RAD51C: variants seen among roughly 807,000 people sequenced by gnomAD.
RAD51C encodes the protein DNA repair protein RAD51 homolog 3.
Under a neutral mutation model 45.0 loss-of-function variants are expected in RAD51C, and 42 were observed. That is an observed-to-expected ratio of 0.93 (90% confidence interval 0.73 to 1.21). RAD51C has a LOEUF of 1.21. RAD51C is among the 50% of genes most tolerant of loss of function. RAD51C has a pLI of 0.00. For missense variants in RAD51C, 474 were observed against 452.2 expected, an observed-to-expected ratio of 1.05 and a Z score of -0.44; for synonymous variants, 172 against 159.8, an observed-to-expected ratio of 1.08 and a Z score of -0.58.
intron 2 of RAD51C, among the ~76,000 whole-genome samples, chr17:58,696,068 AAAG>A (rs1347588024): frequency 7.0e-6 from 1 of 143,526 alleles, no homozygotes; most frequent in Non-Finnish European, 1.6e-5. Flanking sequence ...CTCTGTCTCA[AAAG>A]AAAAAAAAAA....
intron 6 of RAD51C, 120 bp from the exon 7 acceptor site, chr17:58,723,920 C>G (rs1182508645): frequency 2.2e-6 from 2 of 922,944 alleles, no homozygotes; most frequent in African/African-American, 3.3e-5. Context: ...TTTTTGAAAG[C>G]AAGTATACTT....
chr17:58,724,479 G>C (rs535729169), intron 7 of RAD51C, among the ~76,000 whole-genome samples: 9 of 151,226 alleles, frequency 6.0e-5, no homozygotes, highest in Admixed American at 3.3e-4. Flanking sequence ...GAAAATTGTT[G>C]AGGTTACCTT....
At chr17:58,710,131 C>T in intron 5 of RAD51C, 141 bp downstream of exon 5, 1 of 999,658 alleles carries the variant, frequency 1.0e-6, no homozygotes, top group Admixed American at 2.3e-5. Flanking sequence ...TGGTTGGTTT[C>T]CATTAAAAAA....
chr17:58,699,496 C>A (rs762276453), intron 3 of RAD51C, among the ~76,000 whole-genome samples: 2 of 151,766 alleles, frequency 1.3e-5, no homozygotes, highest in Non-Finnish European at 2.9e-5. Context: ...TGATGACCAG[C>A]ATGGTTACTG....
intron 6 of RAD51C, 64 bp from the exon 7 acceptor site, chr17:58,723,976 G>A (rs55951404): frequency 2.3e-5 from 31 of 1,374,922 alleles, no homozygotes; most frequent in East Asian, 6.9e-5. Context: ...GATCAGAGGC[G>A]TTCTGAGAAA....
At chr17:58,733,103 C>T (rs1049005396) in intron 8 of RAD51C, among the ~76,000 whole-genome samples, 2 of 152,060 alleles carry the variant, frequency 1.3e-5, no homozygotes, top group African/African-American at 4.8e-5. Flanking sequence ...GCAGCCTCCG[C>T]CCTACTGGTT....
In RAD51C at chr17:58,709,880, G is replaced by A. The variant is rs2048494596; in HGVS notation, c.727G>A (p.Gly243Ser). ...HSKVRLVIVDGIAFPFRHDLD... is the reference protein window; with the variant it reads ...HSKVRLVIVDSIAFPFRHDLD... ...TTAGGTTCGACTAGTGATAGTGGAT[G>A]GTATTGCTTTTCCATTTCGTCATGA... Residue 243 changes from glycine to serine, a missense_variant, in exon 5 of 9, where the codon GGT becomes AGT. Transcript: ENST00000337432. 1 of 1,609,120 alleles carries A rather than the reference G, an allele frequency of 6.2e-7. No individual in the cohort carries two copies. The highest frequency in any genetic ancestry group is 8.5e-7 in the Non-Finnish European group (1 of 1,175,670).
chr17:58,693,312 TA>T (rs2047860013), intron 1 of RAD51C: 5 of 166,958 alleles, frequency 3.0e-5, no homozygotes, highest in Admixed American at 2.8e-4. Flanking sequence ...AATATTCTCT[TA>T]CGTAATTAAC....
chr17:58,727,127 CTTT>C (rs1268900552), intron 7 of RAD51C, among the ~76,000 whole-genome samples: 1 of 131,758 alleles, frequency 7.6e-6, no homozygotes, highest in Non-Finnish European at 1.6e-5. Context: ...GCCTTATAAA[CTTT>C]TTTTTTTTTT....
In RAD51C at chr17:58,695,019, A is replaced by C. The variant is rs730881929; in HGVS notation, c.234A>C (p.Thr78=). ...CAAATAAACCAAGATATGCTGGTAC[A>C]TCTGAGTCACACAAGAAGTGTACAG... The part of the protein sequence containing the change: ...CLTNKPRYAG[T]SESHKKCTAL... Residue 78 remains threonine, a synonymous_variant, in exon 2 of 9, where the codon ACA becomes ACC. Transcript: ENST00000337432. The C allele has an allele frequency of 1.2e-6, 2 of 1,614,136 alleles. No individual in the cohort carries two copies. Among genetic ancestry groups the C allele is most frequent in the Non-Finnish European group, 1.7e-6 (2 of 1,179,988 alleles).
At chr17:58,723,639 G>A (rs1251641399) in intron 6 of RAD51C, among the ~76,000 whole-genome samples, 2 of 151,514 alleles carry the variant, frequency 1.3e-5, no homozygotes, top group African/African-American at 2.4e-5. Flanking sequence ...ATGTTGATGT[G>A]TGACACTGTA....
intron 1 of RAD51C, 53 bp downstream of exon 1, chr17:58,692,841 TCA>T: frequency 6.2e-7 from 1 of 1,612,990 alleles, no homozygotes; most frequent in Middle Eastern, 1.7e-4. Flanking sequence ...CAGCGCCGCC[TCA>T]GTCTTCGTTC....
At chr17:58,729,438 C>G (rs1047058926) in intron 7 of RAD51C, among the ~76,000 whole-genome samples, 2 of 151,910 alleles carry the variant, frequency 1.3e-5, no homozygotes, top group Non-Finnish European at 2.9e-5. Context: ...AGGCTGGCCT[C>G]GAATTCTCGA....
At position 58,710,027 on chromosome 17, in the gene RAD51C, G is replaced by A. The variant is rs764871870; in HGVS notation, c.837+37G>A. The A allele has an allele frequency of 5.7e-6, 9 of 1,573,712 alleles. No homozygotes were observed. The Admixed American group carries it at 1.2e-4, about 20-fold the overall frequency. On this transcript the variant is annotated intron_variant, in intron 5 of 8. Coordinates refer to ENST00000337432, the MANE Select transcript of RAD51C (RefSeq NM_058216.3). ...CTAGTGAAGAGAGTTTTATAACAAA[G>A]TCAAGACTGTATAAAATGTTAATGT...
At chr17:58,710,136 A>T (rs996245493) in intron 5 of RAD51C, 146 bp downstream of exon 5, 17 of 956,694 alleles carry the variant, frequency 1.8e-5, no homozygotes, top group Non-Finnish European at 2.5e-5. Flanking sequence ...GGTTTCCATT[A>T]AAAAATTCTG....
At chr17:58,714,482 G>A (rs187857538) in intron 5 of RAD51C, among the ~76,000 whole-genome samples, 7 of 151,690 alleles carry the variant, frequency 4.6e-5, no homozygotes, top group East Asian at 2.0e-4. Flanking sequence ...TCTTTGAGAC[G>A]GAGTCTCGCT....
intron 5 of RAD51C, among the ~76,000 whole-genome samples, chr17:58,711,078 T>C (rs189309543): frequency 6.6e-6 from 1 of 152,254 alleles, no homozygotes; most frequent in Non-Finnish European, 1.5e-5. Context: ...AAAAGCATAG[T>C]GCCCTGTGTT....
intron 6 of RAD51C, among the ~76,000 whole-genome samples, chr17:58,722,150 A>AG (rs755935621): frequency 6.6e-6 from 1 of 152,164 alleles, no homozygotes; most frequent in Non-Finnish European, 1.5e-5. Context: ...TTTTCTAGTC[A>AG]GTTTATTTTC....
intron 1 of RAD51C, chr17:58,693,740 C>T (rs1218387542): frequency 2.6e-5 from 4 of 152,120 alleles, no homozygotes; most frequent in African/African-American, 9.7e-5. Flanking sequence ...TGTATCGTCT[C>T]ATTCCCATTT....
Sources: gnomAD v4.1 joint callset for allele counts (sites outside exome capture counted in the v4.1 genomes callset) on GRCh38, gnomAD v4.1.1 for gene constraint, MANE v1.5 for transcripts, NCBI Gene and HGNC (gene_info 2026-07-23, HGNC 2026-07-21) for gene names.